Variants in TRAPPC9 observed in about 807,000 individuals in gnomAD.
TRAPPC9 encodes trafficking protein particle complex subunit 9.
Under a neutral mutation model 124.0 loss-of-function variants are expected in TRAPPC9, and 83 were observed. That is an observed-to-expected ratio of 0.67 (90% CI 0.56 to 0.80). TRAPPC9 has a LOEUF of 0.80. Among genes scored for constraint, TRAPPC9 ranks in the 30% least tolerant of loss-of-function variants. The pLI is 0.00. For missense variants in TRAPPC9, 1,302 were observed against 1,508.3 expected, an observed-to-expected ratio of 0.86 and a Z score of 2.27; for synonymous variants, 638 against 617.5, an observed-to-expected ratio of 1.03 and a Z score of -0.49.
intron 19 of TRAPPC9, among the ~76,000 whole-genome samples, chr8:139,978,526 C>A (rs566819877): frequency 6.6e-6 from 1 of 152,204 alleles, no homozygotes; most frequent in East Asian, 1.9e-4. Context: ...GGATCTGCTT[C>A]AAAATTAGAG....
chr8:139,997,029 G>A (rs1023913002), intron 18 of TRAPPC9, among the ~76,000 whole-genome samples: 1 of 152,274 alleles, frequency 6.6e-6, no homozygotes, highest in African/African-American at 2.4e-5. Flanking sequence ...TTACAGGCGT[G>A]AGCCATCACG....
Position 140,287,883 on chromosome 8 carries a change from T to C in TRAPPC9, c.1855-149A>G, listed in dbSNP as rs150016264. On this transcript the variant is annotated intron_variant, in intron 12 of 22. Coordinates refer to ENST00000438773, the MANE Select transcript of TRAPPC9 (RefSeq NM_001160372.4). ...TTCACAGAGAACTTCGGAGACAGTG[T>C]ACAGTGTAACACAAAACCACCTAAA... 742 of 1,166,472 alleles carry C rather than the reference T, an allele frequency of 6.4e-4. 5 individuals carry two copies. In the East Asian group the frequency reaches 0.017, roughly 27 times the overall value. 72.3% of individuals were successfully genotyped at this position (1,166,472 alleles called of 1,614,324 possible).
intron 21 of TRAPPC9, among the ~76,000 whole-genome samples, chr8:139,803,634 C>G (rs1244523920): frequency 6.6e-6 from 1 of 152,262 alleles, no homozygotes; most frequent in Non-Finnish European, 1.5e-5. Context: ...ATCAGCCCAT[C>G]AACAAATGTT....
chr8:139,856,100 C>T (rs910159435), intron 21 of TRAPPC9, among the ~76,000 whole-genome samples: 5 of 152,156 alleles, frequency 3.3e-5, no homozygotes, highest in Admixed American at 1.3e-4. Flanking sequence ...CGAGGCAACG[C>T]ACACAGCCAG....
intron 21 of TRAPPC9, among the ~76,000 whole-genome samples, chr8:139,763,381 T>C (rs564536600): frequency 2.6e-5 from 4 of 152,338 alleles, no homozygotes; most frequent in African/African-American, 7.2e-5. Context: ...TAATTCCTTA[T>C]TGAGTCATGG....
chr8:139,867,083 C>T (rs1483062305), intron 21 of TRAPPC9, among the ~76,000 whole-genome samples: 1 of 152,222 alleles, frequency 6.6e-6, no homozygotes, highest in Non-Finnish European at 1.5e-5. Flanking sequence ...ATCCGCCCGC[C>T]TTGGCCTCCC....
rs1817674780 is a variant in TRAPPC9, at chr8:139,728,855, G to C, written c.*2206C>G. Among the ~76,000 whole-genome samples, 1 of 152,202 alleles carries C rather than the reference G, an allele frequency of 6.6e-6. No homozygotes were observed. The highest frequency in any genetic ancestry group is 2.1e-4 in the South Asian group (1 of 4,824). ...GCATCCAGCATTTTCTCTGGTAACT[G>C]TTGTGGGTATTTTTTGCAGTTTGGG... On this transcript the variant is annotated 3_prime_UTR_variant, in exon 23 of 23. Transcript: ENST00000438773.
intron 9 of TRAPPC9, among the ~76,000 whole-genome samples, chr8:140,325,646 C>G (rs1310892735): frequency 2.6e-5 from 4 of 152,154 alleles, no homozygotes; most frequent in Non-Finnish European, 5.9e-5. Flanking sequence ...AAATTTCCAT[C>G]CCAGATGGCT....
At chr8:140,457,419 G>A (rs771153392) in intron 1 of TRAPPC9, among the ~76,000 whole-genome samples, 27 of 152,334 alleles carry the variant, frequency 1.8e-4, no homozygotes, top group Admixed American at 2.6e-4. Flanking sequence ...GCCTTGGACA[G>A]ATGTAAGCAG....
intron 20 of TRAPPC9, among the ~76,000 whole-genome samples, chr8:139,899,270 A>T (rs1429587967): frequency 2.0e-5 from 3 of 152,212 alleles, no homozygotes; most frequent in Non-Finnish European, 4.4e-5. Context: ...CCAAAACTTA[A>T]CTACTAATAG....
intron 21 of TRAPPC9, among the ~76,000 whole-genome samples, chr8:139,884,087 A>C (rs1322452304): frequency 6.6e-6 from 1 of 152,132 alleles, no homozygotes; most frequent in Non-Finnish European, 1.5e-5. Context: ...GCTCAGAATC[A>C]AAGTGAATCG....
At chr8:139,921,465 A>G (rs550237779) in intron 19 of TRAPPC9, among the ~76,000 whole-genome samples, 55 of 152,212 alleles carry the variant, frequency 3.6e-4, no homozygotes, top group Non-Finnish European at 7.3e-4. Flanking sequence ...CATTTGTGTA[A>G]GCTGTGGTAA....
chr8:139,913,429 G>A (rs754314345), intron 19 of TRAPPC9, among the ~76,000 whole-genome samples: 40 of 152,198 alleles, frequency 2.6e-4, no homozygotes, highest in Non-Finnish European at 2.9e-4. Context: ...AGCAAGCCTC[G>A]CTCAGAGCCT....
intron 17 of TRAPPC9, among the ~76,000 whole-genome samples, chr8:140,150,522 G>A (rs541794488): frequency 1.2e-4 from 18 of 152,346 alleles, no homozygotes; most frequent in Non-Finnish European, 2.4e-4. Context: ...TTGTAGATGA[G>A]GAAACTGAAG....
chr8:139,901,002 A>AAATAACTAAAT (rs57260430), intron 20 of TRAPPC9, among the ~76,000 whole-genome samples: 1 of 124,452 alleles, frequency 8.0e-6, no homozygotes, highest in Non-Finnish European at 1.8e-5. Context: ...ATAAATAAAT[A>AAATAACTAAAT]AAATAAATAA....
intron 18 of TRAPPC9, among the ~76,000 whole-genome samples, chr8:139,991,771 G>A (rs1837668340): frequency 6.6e-6 from 1 of 152,086 alleles, no homozygotes; most frequent in African/African-American, 2.4e-5. Context: ...TCTGTAGTCA[G>A]GTTGAGTGTG....
chr8:140,073,156 C>T (rs1843287675), intron 17 of TRAPPC9, among the ~76,000 whole-genome samples: 1 of 152,170 alleles, frequency 6.6e-6, no homozygotes, highest in Non-Finnish European at 1.5e-5. Flanking sequence ...TAGTTAAACC[C>T]ACGCTTAGTA....
intron 21 of TRAPPC9, among the ~76,000 whole-genome samples, chr8:139,787,258 T>TGAA (rs1373649201): frequency 2.0e-5 from 3 of 151,984 alleles, no homozygotes; most frequent in Admixed American, 6.6e-5. Context: ...AAAATCTCGT[T>TGAA]CAGAGGCAAC....
intron 21 of TRAPPC9, among the ~76,000 whole-genome samples, chr8:139,819,917 G>A (rs999389226): frequency 8.0e-5 from 12 of 150,542 alleles, no homozygotes; most frequent in Admixed American, 6.0e-4. Flanking sequence ...GGAGGCTGAG[G>A]CAGGAGAATC....
Sources: allele counts gnomAD v4.1 joint callset (sites outside exome capture counted in the v4.1 genomes callset), GRCh38; gene constraint gnomAD v4.1.1; transcripts MANE v1.5; gene names NCBI Gene and HGNC (gene_info 2026-07-23, HGNC 2026-07-21).